CCDC178: variants seen among roughly 807,000 people sequenced by gnomAD.
CCDC178 encodes the protein coiled-coil domain-containing protein 178.
A neutral mutation model predicts 117.4 loss-of-function variants in CCDC178; 126 were observed. That is an observed-to-expected ratio of 1.07 (90% confidence interval 0.93 to 1.24). CCDC178 has a LOEUF of 1.24. Among genes scored for constraint, CCDC178 ranks in the 50% most tolerant of loss-of-function variants. CCDC178 has a pLI of 0.00. For synonymous variants in CCDC178, 283 were observed against 313.4 expected (o/e 0.90, Z 1.02); for missense variants, 1,030 against 986.9 (o/e 1.04, Z -0.59).
In CCDC178 at chr18:33,346,349, T is replaced by G. The variant is rs1359788076; in HGVS notation, c.520A>C (p.Ile174Leu). 6.2e-7 allele frequency: 1 copy of G among 1,613,698 alleles called. No homozygotes were observed. Among genetic ancestry groups the G allele is most frequent in the African/African-American group, 1.3e-5 (1 of 74,896 alleles). ...GCCCGGTCAGTTTCTAGACTTTTAA[T>G]GAGACGAATGGCCTCTGAGAGCAAT... ...ETLLSEAIRL[I>L]KSLETDRADA... Residue 174 changes from isoleucine to leucine, a missense_variant, in exon 9 of 23, where the codon ATT (isoleucine) becomes CTT (leucine). Ile to Leu is a conservative substitution (Grantham distance 5). Transcript: ENST00000383096.
At chr18:33,314,057 C>T (rs934223063) in intron 11 of CCDC178, among the ~76,000 whole-genome samples, 1 of 147,274 alleles carries the variant, frequency 6.8e-6, no homozygotes, top group Middle Eastern at 3.5e-3. Context: ...AAAAATTAGC[C>T]GGGCGTAGTG....
At chr18:33,198,654 A>G (rs997867078) in intron 20 of CCDC178, among the ~76,000 whole-genome samples, 2 of 152,150 alleles carry the variant, frequency 1.3e-5, no homozygotes, top group African/African-American at 2.4e-5. Context: ...GATGATAGAC[A>G]CTGATATATA....
At chr18:33,035,782 A>G (rs904656109) in intron 21 of CCDC178, among the ~76,000 whole-genome samples, 6 of 152,078 alleles carry the variant, frequency 3.9e-5, no homozygotes, top group Non-Finnish European at 2.9e-5. Context: ...ATCACATTGT[A>G]TACCTTGATT....
At chr18:33,132,973 T>C (rs1230874159) in intron 20 of CCDC178, among the ~76,000 whole-genome samples, 3 of 151,818 alleles carry the variant, frequency 2.0e-5, no homozygotes, top group Non-Finnish European at 4.4e-5. Flanking sequence ...GACCATTGTA[T>C]ACAAGATTCT....
chr18:33,328,099 T>TG (rs1568150420), intron 10 of CCDC178: 27 of 174,666 alleles, frequency 1.5e-4, no homozygotes, highest in Non-Finnish European at 2.2e-4. Context: ...TTTTTTTTTT[T>TG]TTTTTTTTTT....
intron 22 of CCDC178, among the ~76,000 whole-genome samples, chr18:32,942,761 A>G (rs1055624986): frequency 2.6e-5 from 4 of 152,170 alleles, no homozygotes; most frequent in Non-Finnish European, 4.4e-5. Flanking sequence ...CAATGCTGCT[A>G]TTAATGCTTC....
intron 9 of CCDC178, 28 bp downstream of exon 9, chr18:33,346,183 G>C (rs1363983232): frequency 1.3e-6 from 2 of 1,505,648 alleles, no homozygotes; most frequent in African/African-American, 2.8e-5. Context: ...AACAGAATAA[G>C]AAGTAATATA....
intron 20 of CCDC178, among the ~76,000 whole-genome samples, chr18:33,167,641 A>G (rs925110100): frequency 6.6e-6 from 1 of 151,984 alleles, no homozygotes; most frequent in African/African-American, 2.4e-5. Context: ...AGGCAGGTGG[A>G]TCACTTGAGG....
chr18:33,082,719 T>C (rs1470965386), intron 21 of CCDC178, among the ~76,000 whole-genome samples: 1 of 151,712 alleles, frequency 6.6e-6, no homozygotes, highest in African/African-American at 2.4e-5. Context: ...TAACTTAAAG[T>C]ATAATAAAAA....
chr18:33,155,800 C>T (rs1466779751), intron 20 of CCDC178, among the ~76,000 whole-genome samples: 1 of 152,040 alleles, frequency 6.6e-6, no homozygotes, highest in African/African-American at 2.4e-5. Flanking sequence ...GGAACACATA[C>T]TAGCAGACCC....
chr18:33,259,659 C>T (rs373002755), intron 14 of CCDC178, among the ~76,000 whole-genome samples: 2 of 152,090 alleles, frequency 1.3e-5, no homozygotes, highest in African/African-American at 2.4e-5. Context: ...CACCCCCCCC[C>T]ACCAGTCCCT....
intron 21 of CCDC178, among the ~76,000 whole-genome samples, chr18:33,064,504 C>A (rs972513071): frequency 1.3e-5 from 2 of 152,130 alleles, no homozygotes; most frequent in Admixed American, 6.5e-5. Context: ...TCAGACAAAT[C>A]AAAATCACAG....
chr18:33,313,469 T>C (rs1300322239), intron 11 of CCDC178, among the ~76,000 whole-genome samples: 1 of 152,204 alleles, frequency 6.6e-6, no homozygotes, highest in East Asian at 1.9e-4. Context: ...AGCCTCCAAA[T>C]GTAGTTATAT....
At chr18:33,249,460 G>A (rs559423762) in intron 14 of CCDC178, among the ~76,000 whole-genome samples, 2 of 152,106 alleles carry the variant, frequency 1.3e-5, no homozygotes, top group South Asian at 4.2e-4. Flanking sequence ...TGTAAGGAAG[G>A]GATCCAGTTT....
chr18:33,321,259 A>G (rs948107143), intron 11 of CCDC178, among the ~76,000 whole-genome samples: 1 of 152,204 alleles, frequency 6.6e-6, no homozygotes, highest in Non-Finnish European at 1.5e-5. Flanking sequence ...TAAACTAAAG[A>G]GCTTCTTGCA....
chr18:33,397,109 A>G (rs1444514147), intron 4 of CCDC178, 40 bp downstream of exon 4: 2 of 1,314,448 alleles, frequency 1.5e-6, no homozygotes, highest in Non-Finnish European at 2.1e-6. Flanking sequence ...TATGTGACAG[A>G]AAAAAGAGAT....
intron 20 of CCDC178, among the ~76,000 whole-genome samples, chr18:33,189,898 C>T (rs1488731553): frequency 6.6e-6 from 1 of 152,042 alleles, no homozygotes; most frequent in Non-Finnish European, 1.5e-5. Flanking sequence ...AGTGGTAGCC[C>T]TAATCTTGGG....
rs753854581 is a variant in CCDC178 at position 33,397,219 on chromosome 18, T to C, written c.59-11A>G. The C allele has an allele frequency of 1.3e-6, 2 of 1,582,590 alleles. No individual in the cohort carries two copies. Among genetic ancestry groups the C allele is most frequent in the South Asian group, 2.2e-5 (2 of 89,358 alleles). ...CCTGACATGTTAAACCTATAAAAGGTAAAATAAAACAAAATAAAATATCTG... is the reference window on the plus strand; with the variant it reads ...CCTGACATGTTAAACCTATAAAAGGCAAAATAAAACAAAATAAAATATCTG... On this transcript the variant is annotated splice_polypyrimidine_tract_variant and intron_variant, in intron 3 of 22. Coordinates refer to ENST00000383096, the MANE Select transcript of CCDC178 (RefSeq NM_001105528.4).
intron 21 of CCDC178, among the ~76,000 whole-genome samples, chr18:33,021,260 C>T (rs944221727): frequency 2.0e-5 from 3 of 152,208 alleles, no homozygotes; most frequent in African/African-American, 7.2e-5. Context: ...GATCTTTTTA[C>T]ATGAAGCAGT....
Sources: gnomAD v4.1 joint callset for allele counts (sites outside exome capture counted in the v4.1 genomes callset) on GRCh38, gnomAD v4.1.1 for gene constraint, MANE v1.5 for transcripts, NCBI Gene and HGNC (gene_info 2026-07-23, HGNC 2026-07-21) for gene names.